Variants in COL5A2 observed in about 807,000 individuals in gnomAD.
The protein encoded by COL5A2 is collagen type V alpha 2 chain, also known as collagen alpha-2(V) chain.
COL5A2 carries 23 observed loss-of-function variants against 208.2 expected under a neutral mutation model. The ratio of observed to expected loss-of-function variants is 0.11; its 90% CI spans 0.08 to 0.16. The LOEUF (loss-of-function observed/expected upper bound fraction) is 0.16. COL5A2 is among the 10% of genes least tolerant of loss of function. COL5A2 has a pLI of 1.00. For missense variants in COL5A2, 1,590 were observed against 1,956.4 expected (o/e 0.81, Z 3.53); for synonymous variants, 625 against 628.5 (o/e 0.99, Z 0.08).
the COL5A2 span, among the ~76,000 whole-genome samples, chr2:189,403,752 T>A: frequency 2.0e-5 from 3 of 152,216 alleles, no homozygotes; most frequent in African/African-American, 7.2e-5. Flanking sequence ...CAACCTTACA[T>A]CCCAGGGATG....
the COL5A2 span, among the ~76,000 whole-genome samples, chr2:189,301,730 A>G: frequency 1.6e-3 from 251 of 152,282 alleles, 1 homozygote; most frequent in African/African-American, 5.6e-3. Flanking sequence ...TGCAGAAGAA[A>G]CCACAAAATA....
chr2:189,246,041 T>C, the COL5A2 span, among the ~76,000 whole-genome samples: 22 of 152,196 alleles, frequency 1.4e-4, no homozygotes, highest in Non-Finnish European at 8.8e-5. Context: ...TTAGGCACCA[T>C]TGCAAATACT....
the COL5A2 span, chr2:189,311,980 T>G: frequency 1.3e-6 from 1 of 749,568 alleles, no homozygotes; most frequent in South Asian, 1.3e-5. Context: ...TCAGTGACCT[T>G]GTGGAGCCCA....
intron 1 of COL5A2, chr2:189,133,204 T>TCCA (rs1357221878): frequency 7.8e-6 from 1 of 127,734 alleles, no homozygotes; most frequent in African/African-American, 3.0e-5. Context: ...CGCTGCAACC[T>TCCA]CCACCTCCCG....
the COL5A2 span, among the ~76,000 whole-genome samples, chr2:189,396,220 T>G: frequency 1.3e-5 from 2 of 152,332 alleles, no homozygotes; most frequent in South Asian, 4.1e-4. Context: ...TTACTTAACC[T>G]CTCATTCACA....
chr2:189,334,749 G>A, the COL5A2 span, among the ~76,000 whole-genome samples: 4 of 151,826 alleles, frequency 2.6e-5, no homozygotes, highest in Admixed American at 2.6e-4. Context: ...TGTATTGAAC[G>A]ACAAAGTATT....
rs1685883704 is a variant in COL5A2, at chr2:189,055,493, C to T, written c.2392-1281G>A. 2.6e-5 allele frequency among the ~76,000 whole-genome samples: 4 copies of T among 152,064 alleles called. No individual in the cohort carries two copies. In the South Asian group the frequency reaches 8.3e-4, roughly 31 times the overall value. On this transcript the variant is annotated intron_variant, in intron 35 of 53. Transcript: ENST00000374866. Reference sequence around the variant, plus strand: ...AAAGAAACTTAAGGAACAAAAATGACTTTAATTTTATAGATTTGACAAGAA... The same window carrying T: ...AAAGAAACTTAAGGAACAAAAATGATTTTAATTTTATAGATTTGACAAGAA...
At chr2:189,085,386 G>C (rs922489722) in intron 10 of COL5A2, among the ~76,000 whole-genome samples, 173 bp from the exon 11 acceptor site, 9 of 152,222 alleles carry the variant, frequency 5.9e-5, no homozygotes, top group African/African-American at 2.2e-4. Flanking sequence ...TGAATTTTAT[G>C]TTGCATCCCC....
At chr2:189,375,143 A>G in the COL5A2 span, among the ~76,000 whole-genome samples, 8 of 151,718 alleles carry the variant, frequency 5.3e-5, no homozygotes, top group Admixed American at 2.6e-4. Context: ...CAGCCTCCTG[A>G]GTAGTTGGGA....
intron 1 of COL5A2, among the ~76,000 whole-genome samples, chr2:189,217,020 T>A (rs1170439950): frequency 1.2e-4 from 18 of 152,012 alleles, no homozygotes; most frequent in Admixed American, 1.2e-3. Flanking sequence ...ACAACAAGCA[T>A]CGATATGACC....
the COL5A2 span, among the ~76,000 whole-genome samples, chr2:189,400,157 T>C: frequency 6.6e-6 from 1 of 152,196 alleles, no homozygotes; most frequent in Non-Finnish European, 1.5e-5. Flanking sequence ...TTTGCCTACA[T>C]ATGTTTTTCT....
chr2:189,244,466 C>A, the COL5A2 span, among the ~76,000 whole-genome samples: 15 of 152,286 alleles, frequency 9.8e-5, no homozygotes, highest in East Asian at 2.9e-3. Context: ...CAAGAGTCAC[C>A]TTTGCTCCAG....
the COL5A2 span, among the ~76,000 whole-genome samples, chr2:189,242,279 AT>A: frequency 6.6e-6 from 1 of 152,130 alleles, no homozygotes; most frequent in Non-Finnish European, 1.5e-5. Context: ...TACATAAAAC[AT>A]TTTTTAGGTG....
chr2:189,230,390 A>G, the COL5A2 span, among the ~76,000 whole-genome samples: 2 of 151,914 alleles, frequency 1.3e-5, no homozygotes, highest in East Asian at 3.9e-4. Flanking sequence ...AAGGCAGCCC[A>G]CAGAATGGAA....
chr2:189,348,023 T>G, the COL5A2 span, among the ~76,000 whole-genome samples: 456 of 152,020 alleles, frequency 3.0e-3, 3 homozygotes, highest in African/African-American at 9.1e-3. Flanking sequence ...AACCCAAAAT[T>G]TACAGCATAA....
chr2:189,278,262 A>G, the COL5A2 span, among the ~76,000 whole-genome samples: 3 of 152,150 alleles, frequency 2.0e-5, no homozygotes, highest in African/African-American at 7.2e-5. Context: ...TCATTGGAGA[A>G]TTAAAACTTG....
At chr2:189,212,864 A>AATATAT (rs34736257) in intron 1 of COL5A2, among the ~76,000 whole-genome samples, 40 of 144,260 alleles carry the variant, frequency 2.8e-4, no homozygotes, top group African/African-American at 9.5e-4. Flanking sequence ...TATAGTGTTA[A>AATATAT]ATATATATAT....
chr2:189,349,700 G>A, the COL5A2 span, among the ~76,000 whole-genome samples: 1 of 152,184 alleles, frequency 6.6e-6, no homozygotes, highest in African/African-American at 2.4e-5. Context: ...TTTAGGTCCA[G>A]GTAAAGTAGA....
intron 36 of COL5A2, 30 bp from the exon 37 acceptor site, chr2:189,053,978 C>A: frequency 6.2e-7 from 1 of 1,604,366 alleles, no homozygotes. Context: ...TGGTTACTGT[C>A]CAAAACAGTA....
Sources: gnomAD v4.1 joint callset for allele counts (sites outside exome capture counted in the v4.1 genomes callset) on GRCh38, gnomAD v4.1.1 for gene constraint, MANE v1.5 for transcripts, NCBI Gene and HGNC (gene_info 2026-07-23, HGNC 2026-07-21) for gene names.